Variants in PLCH1 observed in about 807,000 individuals in gnomAD.
PLCH1 encodes 1-phosphatidylinositol 4,5-bisphosphate phosphodiesterase eta-1.
In PLCH1, 60 loss-of-function variants were observed where a neutral mutation model predicts 126.7. That is an observed-to-expected ratio of 0.47 (90% CI 0.38 to 0.59). PLCH1 has a LOEUF of 0.59. Ranked by LOEUF, PLCH1 falls within the 20% of genes least tolerant of loss-of-function variation. The pLI is 0.00. For missense variants in PLCH1, 1,723 were observed against 2,040.0 expected (o/e 0.84, Z 2.99); for synonymous variants, 719 against 734.9 (o/e 0.98, Z 0.35).
chr3:155,594,353 C>T (rs558315665), intron 3 of PLCH1, among the ~76,000 whole-genome samples, 169 bp from the exon 4 acceptor site: 1 of 152,028 alleles, frequency 6.6e-6, no homozygotes, highest in South Asian at 2.1e-4. Flanking sequence ...GACAGATTGC[C>T]TGAGCTCAGG....
intron 1 of PLCH1, chr3:155,743,807 T>C (rs1266677252): frequency 4.1e-6 from 1 of 246,778 alleles, no homozygotes; most frequent in South Asian, 4.0e-5. Flanking sequence ...TCACCTGGGT[T>C]AGGAGGCACA....
Position 155,565,108 on chromosome 3 carries a change from G to A in PLCH1, c.876C>T (p.Asn292=), listed in dbSNP as rs769031613. ...KNVLGIEGFT[N]FMRSPACDIF... is the part of the protein sequence containing the mutation. ...TGTCACAGGCAGGACTACGCATGAAGTTCGTGAAGCCTTTGGAAGAAAGAG... is the reference window on the plus strand; with the variant it reads ...TGTCACAGGCAGGACTACGCATGAAATTCGTGAAGCCTTTGGAAGAAAGAG... The change falls in exon 8 of 23, where the codon AAC becomes AAT. Residue 292 remains asparagine (N), a synonymous_variant. Coordinates refer to ENST00000460012, the MANE Select transcript of PLCH1 (RefSeq NM_014996.4). 1.9e-6 allele frequency: 3 copies of A among 1,612,604 alleles called. No individual in the cohort carries two copies. The highest frequency in any genetic ancestry group is 1.1e-5 in the South Asian group (1 of 91,048).
At chr3:155,571,855 A>G (rs1365252572) in intron 6 of PLCH1, among the ~76,000 whole-genome samples, 1 of 152,218 alleles carries the variant, frequency 6.6e-6, no homozygotes, top group African/African-American at 2.4e-5. Flanking sequence ...TCTCAGCATA[A>G]TTATATCATC....
intron 6 of PLCH1, among the ~76,000 whole-genome samples, chr3:155,579,870 CTG>C (rs1354709636): frequency 2.0e-5 from 3 of 152,046 alleles, no homozygotes; most frequent in African/African-American, 7.2e-5. Flanking sequence ...CTGTCTGTGT[CTG>C]TCTCTGTCTG....
At chr3:155,523,238 A>G (rs1405499580) in intron 11 of PLCH1, among the ~76,000 whole-genome samples, 1 of 151,912 alleles carries the variant, frequency 6.6e-6, no homozygotes, top group Non-Finnish European at 1.5e-5. Flanking sequence ...GGCCTCCCAA[A>G]GTGCTGGGAT....
Position 155,483,007 on chromosome 3 carries a change from C to T in PLCH1, c.3019G>A (p.Asp1007Asn). ...TTGTTGAAATTTAGAAAATGTGGAT[C>T]TTTTATACTTGCTTTCCCTTTTCTT... Reference protein sequence around the residue: ...GRRKGKASIKDPHFLNFNKKL... With the variant: ...GRRKGKASIKNPHFLNFNKKL... Residue 1007 changes from aspartate (D) to asparagine (N), a missense_variant, in exon 23 of 23, where the codon GAT becomes AAT. Coordinates refer to ENST00000460012, the MANE Select transcript of PLCH1 (RefSeq NM_014996.4). The T allele has an allele frequency of 2.5e-6, 4 of 1,613,902 alleles. No individual in the cohort carries two copies. The highest frequency in any genetic ancestry group is 1.1e-5 in the South Asian group (1 of 91,068).
chr3:155,697,569 T>C (rs1234884801), intron 2 of PLCH1, among the ~76,000 whole-genome samples: 2 of 152,174 alleles, frequency 1.3e-5, no homozygotes, highest in Non-Finnish European at 2.9e-5. Context: ...GAGAAGAGAC[T>C]GTCATCAGCA....
chr3:155,701,805 G>A (rs1746295747), intron 2 of PLCH1, among the ~76,000 whole-genome samples: 1 of 152,160 alleles, frequency 6.6e-6, no homozygotes, highest in Admixed American at 6.5e-5. Context: ...AGTCAAGTAA[G>A]TTCCTATGTT....
chr3:155,471,209 T>G (rs1713211790), intron 21 of PLCH1, among the ~76,000 whole-genome samples: 1 of 151,796 alleles, frequency 6.6e-6, no homozygotes, highest in Admixed American at 6.6e-5. Context: ...ACACATAGGC[T>G]CAAAATAAAA....
chr3:155,488,840 C>G (rs749228388), intron 19 of PLCH1, 34 bp from the exon 20 acceptor site: 2 of 1,584,932 alleles, frequency 1.3e-6, no homozygotes, highest in Admixed American at 3.7e-5. Flanking sequence ...ATCAGAAAAG[C>G]AAAGGACTTG....
chr3:155,658,723 C>T (rs923969680), intron 2 of PLCH1: 2 of 152,130 alleles, frequency 1.3e-5, no homozygotes, highest in African/African-American at 2.4e-5. Context: ...TCTCTATTCA[C>T]TTTTGATGCA....
intron 12 of PLCH1, among the ~76,000 whole-genome samples, chr3:155,505,810 T>C (rs1011170065): frequency 3.3e-5 from 5 of 151,982 alleles, no homozygotes; most frequent in Non-Finnish European, 7.4e-5. Flanking sequence ...ATCATAGACA[T>C]AGCACTGCTC....
chr3:155,478,628 T>G (rs1226465128), downstream of PLCH1, among the ~76,000 whole-genome samples: 1 of 152,036 alleles, frequency 6.6e-6, no homozygotes, highest in African/African-American at 2.4e-5. Context: ...TGTTTTTTGT[T>G]TTTTTTAAAG....
intron 2 of PLCH1, among the ~76,000 whole-genome samples, chr3:155,620,781 GCCCCATC>G (rs1736379941): frequency 3.9e-5 from 6 of 152,144 alleles, no homozygotes; most frequent in Admixed American, 3.9e-4. Flanking sequence ...ACAGATAAAA[GCCCCATC>G]TCCCTGGGAC....
At chr3:155,734,635 A>T (rs1220702770) in intron 1 of PLCH1, among the ~76,000 whole-genome samples, 11 of 152,230 alleles carry the variant, frequency 7.2e-5, no homozygotes, top group Non-Finnish European at 1.3e-4. Context: ...ATCTGACCTA[A>T]GTGTCCATCA....
intron 21 of PLCH1, among the ~76,000 whole-genome samples, chr3:155,466,851 T>C (rs1458303500): frequency 6.6e-6 from 1 of 152,108 alleles, no homozygotes; most frequent in Non-Finnish European, 1.5e-5. Flanking sequence ...GCAATTGACA[T>C]ACCAAAGAAT....
At chr3:155,727,447 G>A (rs1748425979) in intron 1 of PLCH1, among the ~76,000 whole-genome samples, 1 of 151,194 alleles carries the variant, frequency 6.6e-6, no homozygotes, top group Non-Finnish European at 1.5e-5. Context: ...GAGTGCAGTG[G>A]CACAATCTCG....
intron 12 of PLCH1, among the ~76,000 whole-genome samples, chr3:155,513,712 G>A (rs932052123): frequency 6.6e-6 from 1 of 152,160 alleles, no homozygotes; most frequent in Admixed American, 6.5e-5. Flanking sequence ...TGACCTTTTG[G>A]TTGTCTCCCC....
At chr3:155,615,451 T>C (rs1211379050) in intron 2 of PLCH1, among the ~76,000 whole-genome samples, 6 of 152,038 alleles carry the variant, frequency 3.9e-5, no homozygotes, top group African/African-American at 1.4e-4. Context: ...CCCAGAGAAA[T>C]AGAAGTCATT....
Sources: allele counts gnomAD v4.1 joint callset (sites outside exome capture counted in the v4.1 genomes callset), GRCh38; gene constraint gnomAD v4.1.1; transcripts MANE v1.5; gene names NCBI Gene and HGNC (gene_info 2026-07-23, HGNC 2026-07-21).